The following MYO5B variants were observed in gnomAD, a reference collection of about 807,000 sequenced individuals.
MYO5B encodes unconventional myosin-Vb.
Under a neutral mutation model 229.3 loss-of-function variants are expected in MYO5B, and 143 were observed. That is an observed-to-expected ratio of 0.62 (90% CI 0.54 to 0.72). MYO5B has a LOEUF of 0.72. Ranked by LOEUF, MYO5B falls within the 30% of genes least tolerant of loss-of-function variation. MYO5B has a pLI of 0.00. For missense variants in MYO5B, 2,321 were observed against 2,331.0 expected, an observed-to-expected ratio of 1.00 and a Z score of 0.09; for synonymous variants, 918 against 885.2, an observed-to-expected ratio of 1.04 and a Z score of -0.66.
At chr18:50,148,312 G>A (rs1241214824) in intron 1 of MYO5B, among the ~76,000 whole-genome samples, 1 of 150,454 alleles carries the variant, frequency 6.6e-6, no homozygotes, top group African/African-American at 2.4e-5. Flanking sequence ...GAAAAAGAGG[G>A]AATCCTCCCT....
At chr18:49,962,897 C>T in intron 11 of MYO5B, 52 bp downstream of exon 11, 2 of 1,476,946 alleles carry the variant, frequency 1.4e-6, no homozygotes, top group South Asian at 1.1e-5. Context: ...TCTGTCCCTC[C>T]CAGAGGAGTC....
Position 50,036,975 on chromosome 18 carries a change from A to G in MYO5B, c.330T>C (p.Ile110=). 1 of 1,614,170 alleles carries G rather than the reference A, an allele frequency of 6.2e-7. No homozygotes were observed. The highest frequency in any genetic ancestry group is 1.6e-4 in the Middle Eastern group (1 of 6,062). Residue 110 remains isoleucine, a synonymous_variant, in exon 4 of 40, where the codon ATT becomes ATC. Coordinates refer to ENST00000285039, the MANE Select transcript of MYO5B (RefSeq NM_001080467.3). ...AGATTGGCAACTGTTCATAAGGATT[A>G]ATGGCAACAAGTACGATACCTGCAA... is the stretch of plus-strand genomic sequence containing the variant. The part of the protein sequence containing the change: ...YTYCGIVLVA[I]NPYEQLPIYG...
chr18:50,120,410 C>T (rs2032038640), intron 1 of MYO5B, among the ~76,000 whole-genome samples: 1 of 152,210 alleles, frequency 6.6e-6, no homozygotes, highest in Non-Finnish European at 1.5e-5. Flanking sequence ...AGGAGGGTGA[C>T]CCCTCAATTC....
At chr18:49,905,739 G>T (rs191786515) in intron 19 of MYO5B, among the ~76,000 whole-genome samples, 2 of 152,258 alleles carry the variant, frequency 1.3e-5, no homozygotes, top group Admixed American at 6.5e-5. Flanking sequence ...ACAACCGAGG[G>T]TAGGGTCAGA....
At chr18:50,153,163 C>G (rs1403500912) in intron 1 of MYO5B, among the ~76,000 whole-genome samples, 1 of 152,116 alleles carries the variant, frequency 6.6e-6, no homozygotes, top group Non-Finnish European at 1.5e-5. Flanking sequence ...TTCCAGCTTA[C>G]CCAGTAAGAT....
At position 49,837,911 on chromosome 18, in the gene MYO5B, G is replaced by A. The variant is rs1439216341; in HGVS notation, c.4853-109C>T. 8 of 1,395,644 alleles carry A rather than the reference G, an allele frequency of 5.7e-6. No individual in the cohort carries two copies. The East Asian group carries it at 1.1e-4, about 20-fold the overall frequency. The allele number at this position is 1,395,644 out of a possible 1,614,324, so 86.5% of individuals were successfully genotyped here. On this transcript the variant is annotated intron_variant, in intron 36 of 39. Transcript: ENST00000285039. ...GGCTTTAGCAATGATACCATCCAGAGGTGTGCAATGTTGACATGCTTAGGA... is the reference window on the plus strand; with the variant it reads ...GGCTTTAGCAATGATACCATCCAGAAGTGTGCAATGTTGACATGCTTAGGA...
intron 11 of MYO5B, 25 bp downstream of exon 11, chr18:49,962,924 C>T: frequency 6.3e-7 from 1 of 1,597,692 alleles, no homozygotes. Flanking sequence ...ATCCTGGTAC[C>T]CCCAGGTCTA....
intron 17 of MYO5B, among the ~76,000 whole-genome samples, chr18:49,912,636 G>C (rs2024971196): frequency 6.6e-6 from 1 of 152,118 alleles, no homozygotes. Context: ...CTTTTCACTT[G>C]GTTCTCATTC....
At chr18:50,083,996 C>G (rs1173213688) in intron 1 of MYO5B, among the ~76,000 whole-genome samples, 1 of 152,198 alleles carries the variant, frequency 6.6e-6, no homozygotes, top group Non-Finnish European at 1.5e-5. Context: ...AGCTATGTGA[C>G]TCAGGCAAGT....
chr18:49,929,087 C>G (rs1386250105), intron 17 of MYO5B, among the ~76,000 whole-genome samples: 1 of 152,120 alleles, frequency 6.6e-6, no homozygotes, highest in Non-Finnish European at 1.5e-5. Context: ...TGTAACCAAA[C>G]ACCACTTGTT....
chr18:50,162,040 A>G (rs1031138363), intron 1 of MYO5B, among the ~76,000 whole-genome samples: 1 of 152,254 alleles, frequency 6.6e-6, no homozygotes, highest in Non-Finnish European at 1.5e-5. Flanking sequence ...GCAGATGGCC[A>G]ACAGCCACTC....
intron 29 of MYO5B, among the ~76,000 whole-genome samples, chr18:49,857,914 C>T (rs537262793): frequency 2.0e-5 from 3 of 152,334 alleles, no homozygotes; most frequent in African/African-American, 7.2e-5. Flanking sequence ...TCCTAACAGC[C>T]TCTGTTCCTG....
chr18:49,829,898 T>C (rs1054697003), intron 39 of MYO5B, among the ~76,000 whole-genome samples: 5 of 152,272 alleles, frequency 3.3e-5, no homozygotes, highest in Admixed American at 2.6e-4. Context: ...ACTTTTTTAA[T>C]GATAAAAAGA....
chr18:49,980,718 C>G (rs540712974), intron 8 of MYO5B, among the ~76,000 whole-genome samples, 165 bp from the exon 9 acceptor site: 1 of 152,112 alleles, frequency 6.6e-6, no homozygotes, highest in Non-Finnish European at 1.5e-5. Context: ...TTACCACTCA[C>G]AGTAACAGCT....
chr18:49,959,924 G>T (rs905927809), intron 12 of MYO5B, among the ~76,000 whole-genome samples: 19 of 152,152 alleles, frequency 1.2e-4, no homozygotes, highest in African/African-American at 4.3e-4. Context: ...GTGGGCTTGG[G>T]TAACGGAGGA....
chr18:50,076,815 A>T (rs974172203), intron 1 of MYO5B, among the ~76,000 whole-genome samples: 1 of 152,160 alleles, frequency 6.6e-6, no homozygotes, highest in Admixed American at 6.5e-5. Context: ...CGGGTGAAGT[A>T]ATGTCCAGCG....
chr18:50,128,753 C>G (rs2032207771), intron 1 of MYO5B, among the ~76,000 whole-genome samples: 1 of 152,158 alleles, frequency 6.6e-6, no homozygotes, highest in South Asian at 2.1e-4. Flanking sequence ...CTCAAGCCCT[C>G]CGGGTCTCAG....
intron 23 of MYO5B, chr18:49,879,319 G>C (rs1173234092): frequency 5.3e-6 from 3 of 561,408 alleles, no homozygotes; most frequent in Non-Finnish European, 9.5e-6. Flanking sequence ...GGAATGGGGA[G>C]AGAGAAGTTG....
intron 1 of MYO5B, among the ~76,000 whole-genome samples, chr18:50,176,704 ATTG>A (rs1468785248): frequency 2.6e-5 from 4 of 152,332 alleles, no homozygotes; most frequent in African/African-American, 9.6e-5. Flanking sequence ...CTTTTTGCAA[ATTG>A]TTGTCGTGAT....
Sources: gnomAD v4.1 joint callset for allele counts (sites outside exome capture counted in the v4.1 genomes callset) on GRCh38, gnomAD v4.1.1 for gene constraint, MANE v1.5 for transcripts, NCBI Gene and HGNC (gene_info 2026-07-23, HGNC 2026-07-21) for gene names.